The following SHISA9 variants were observed in gnomAD, a reference collection of about 807,000 sequenced individuals.
SHISA9 encodes protein shisa-9.
A neutral mutation model predicts 38.0 loss-of-function variants in SHISA9; 13 were observed. The observed-to-expected ratio is 0.34, with a 90% CI of 0.22 to 0.54. SHISA9 has a LOEUF of 0.54. Ranked by LOEUF, SHISA9 falls within the 20% of genes least tolerant of loss-of-function variation. The pLI, the probability that SHISA9 is intolerant of heterozygous loss-of-function variation, is 0.91. For synonymous variants in SHISA9, 275 were observed against 242.0 expected, an observed-to-expected ratio of 1.14 and a Z score of -1.27; for missense variants, 538 against 575.8, an observed-to-expected ratio of 0.93 and a Z score of 0.67.
the SHISA9 span, among the ~76,000 whole-genome samples, chr16:13,262,723 G>T: frequency 2.5e-5 from 3 of 117,750 alleles, no homozygotes; most frequent in South Asian, 5.4e-4. Context: ...GAAGGAAGAG[G>T]CAGGGAGGGA....
intron 2 of SHISA9, among the ~76,000 whole-genome samples, chr16:13,143,521 C>T (rs1287665470): frequency 1.3e-5 from 2 of 152,192 alleles, no homozygotes; most frequent in East Asian, 1.9e-4. Flanking sequence ...GGAAGCTGTA[C>T]TGTGATCTGG....
At chr16:13,519,614 G>A in the SHISA9 span, among the ~76,000 whole-genome samples, 3 of 152,274 alleles carry the variant, frequency 2.0e-5, no homozygotes, top group Non-Finnish European at 2.9e-5. Context: ...AGAAATACCC[G>A]AGACTGGGTA....
At chr16:13,260,048 G>T in the SHISA9 span, among the ~76,000 whole-genome samples, 242 of 79,878 alleles carry the variant, frequency 3.0e-3, no homozygotes, top group Middle Eastern at 0.015. Context: ...ACAGGGTCTT[G>T]CTCTGTCACC....
intron 2 of SHISA9, among the ~76,000 whole-genome samples, chr16:13,049,307 A>G (rs529259280): frequency 2.0e-5 from 3 of 152,024 alleles, no homozygotes; most frequent in African/African-American, 4.8e-5. Flanking sequence ...ATCATCTCCA[A>G]GTCTCCCTTT....
chr16:13,107,342 G>T (rs1186134299), intron 2 of SHISA9, among the ~76,000 whole-genome samples: 2 of 152,042 alleles, frequency 1.3e-5, no homozygotes, highest in African/African-American at 4.8e-5. Context: ...GGCTGAGGCA[G>T]GAGAATCGCT....
intron 2 of SHISA9, among the ~76,000 whole-genome samples, chr16:13,132,301 G>T (rs1375626606): frequency 6.6e-6 from 1 of 152,144 alleles, no homozygotes; most frequent in African/African-American, 2.4e-5. Context: ...TAAATGTAAA[G>T]CACTTAGAAG....
chr16:13,383,015 C>T, the SHISA9 span, among the ~76,000 whole-genome samples: 1 of 152,180 alleles, frequency 6.6e-6, no homozygotes, highest in African/African-American at 2.4e-5. Context: ...GTGTCAGGCA[C>T]TATTCTAGGC....
At chr16:13,366,954 G>C in the SHISA9 span, among the ~76,000 whole-genome samples, 5 of 138,290 alleles carry the variant, frequency 3.6e-5, no homozygotes, top group African/African-American at 1.4e-4. Context: ...CTGCACTCCA[G>C]CATGGGCAAC....
the SHISA9 span, among the ~76,000 whole-genome samples, chr16:13,388,751 C>A: frequency 6.8e-6 from 1 of 148,060 alleles, no homozygotes; most frequent in African/African-American, 2.5e-5. Context: ...ATGTTCTATC[C>A]TCAATGGTTT....
intron 2 of SHISA9, among the ~76,000 whole-genome samples, chr16:13,089,389 T>C (rs60033694): frequency 0.061 from 9,331 of 152,232 alleles, 933 homozygotes; most frequent in African/African-American, 0.21. Flanking sequence ...CCAGCTCCTC[T>C]TTGTACCTCT....
chr16:13,207,808 G>A (rs1225139964), intron 3 of SHISA9, among the ~76,000 whole-genome samples: 2 of 152,316 alleles, frequency 1.3e-5, no homozygotes, highest in African/African-American at 4.8e-5. Flanking sequence ...TGTGATCATG[G>A]TGTGAATGAT....
chr16:13,481,725 G>A, the SHISA9 span, among the ~76,000 whole-genome samples: 2 of 152,192 alleles, frequency 1.3e-5, no homozygotes, highest in Non-Finnish European at 2.9e-5. Context: ...TTCTCTGGGA[G>A]GGAAGGTCAA....
At chr16:13,484,069 G>A in the SHISA9 span, among the ~76,000 whole-genome samples, 24 of 152,224 alleles carry the variant, frequency 1.6e-4, no homozygotes, top group African/African-American at 2.4e-4. Context: ...TAACTGAGCC[G>A]TCAATCAGTG....
chr16:13,240,341 A>G lies in SHISA9; in HGVS notation c.*4932A>G, dbSNP rs995447555. 3 of 152,244 alleles carry G rather than the reference A, an allele frequency of 2.0e-5. No homozygotes were observed. Among genetic ancestry groups the G allele is most frequent in the African/African-American group, 7.2e-5 (3 of 41,472 alleles). The allele number at this position is 152,244 out of a possible 1,614,324, so 9.4% of individuals were successfully genotyped here. ...AAACACATTTGTTTGTTTTCTAAGA[A>G]TGTTTATTTGTAAACATATGTATTC... On this transcript the variant is annotated 3_prime_UTR_variant, in exon 5 of 5. Coordinates refer to ENST00000558583, the MANE Select transcript of SHISA9 (RefSeq NM_001145204.3).
the SHISA9 span, among the ~76,000 whole-genome samples, chr16:13,390,024 T>A: frequency 6.6e-6 from 1 of 152,188 alleles, no homozygotes; most frequent in South Asian, 2.1e-4. Flanking sequence ...AACTGACAAG[T>A]GCAAAATATA....
intron 2 of SHISA9, among the ~76,000 whole-genome samples, chr16:13,101,859 A>T (rs1233875199): frequency 2.0e-5 from 3 of 152,206 alleles, no homozygotes; most frequent in Non-Finnish European, 2.9e-5. Context: ...ATTATTCATC[A>T]ATTAAAACTA....
chr16:13,357,584 G>A, the SHISA9 span, among the ~76,000 whole-genome samples: 2 of 152,180 alleles, frequency 1.3e-5, no homozygotes, highest in East Asian at 1.9e-4. Flanking sequence ...TTTCATGCGC[G>A]TCCGTGTGAA....
the SHISA9 span, among the ~76,000 whole-genome samples, chr16:13,517,637 C>G: frequency 6.6e-6 from 1 of 152,144 alleles, no homozygotes; most frequent in Non-Finnish European, 1.5e-5. Context: ...CCTTATATGT[C>G]CCGTTCATTG....
At chr16:13,069,058 T>TATGTATGTGTGTACATGTGTAC (rs2073472191) in intron 2 of SHISA9, among the ~76,000 whole-genome samples, 1 of 152,054 alleles carries the variant, frequency 6.6e-6, no homozygotes, top group Non-Finnish European at 1.5e-5. Flanking sequence ...GCAATGTGTA[T>TATGTATGTGTGTACATGTGTAC]ATGTATGTGT....
Sources: gnomAD v4.1 joint callset for allele counts (sites outside exome capture counted in the v4.1 genomes callset) on GRCh38, gnomAD v4.1.1 for gene constraint, MANE v1.5 for transcripts, NCBI Gene and HGNC (gene_info 2026-07-23, HGNC 2026-07-21) for gene names.